Variants in GAREM2 observed in about 807,000 individuals in gnomAD.
GAREM2 encodes the protein GRB2-associated and regulator of MAPK protein 2.
Under a neutral mutation model 55.6 loss-of-function variants are expected in GAREM2, and 30 were observed. The ratio of observed to expected loss-of-function variants is 0.54; its 90% CI spans 0.40 to 0.73. The LOEUF (loss-of-function observed/expected upper bound fraction) is 0.73, where lower values mean the gene tolerates loss of function less well. Among genes scored for constraint, GAREM2 ranks in the 30% least tolerant of loss-of-function variants. The pLI, the probability that GAREM2 is intolerant of heterozygous loss-of-function variation, is 0.00. For synonymous variants in GAREM2, 550 were observed against 569.1 expected (o/e 0.97, Z 0.48); for missense variants, 1,075 against 1,257.7 (o/e 0.85, Z 2.20).
chr2:26,187,513 T>C lies in GAREM2; in HGVS notation c.1881T>C (p.Phe627=). Residue 627 remains phenylalanine (F), a synonymous_variant, in exon 6 of 6, where the codon TTT becomes TTC. Transcript: ENST00000401533. ...ATCCCCAGAAGCGCTTTGCTCCGTTTGGAGCTCTCAACCCTTTTTCCGGGC... is the reference window on the plus strand; with the variant it reads ...ATCCCCAGAAGCGCTTTGCTCCGTTCGGAGCTCTCAACCCTTTTTCCGGGC... The part of the protein sequence containing the change: ...PSHPQKRFAP[F]GALNPFSGPA... 1.3e-6 allele frequency: 2 copies of C among 1,541,358 alleles called. No individual in the cohort carries two copies.
intron 2 of GAREM2, chr2:26,181,770 A>G (rs968829847): frequency 5.2e-5 from 8 of 153,738 alleles, no homozygotes; most frequent in Admixed American, 2.0e-4. Context: ...GCTCGAGCCC[A>G]GGAGTTTGAG....
chr2:26,197,002 T>C, the GAREM2 span, among the ~76,000 whole-genome samples: 1 of 152,230 alleles, frequency 6.6e-6, no homozygotes, highest in Non-Finnish European at 1.5e-5. Context: ...TAGGAATAAA[T>C]AGGCTTTTGT....
At chr2:26,193,703 G>A (rs2147752154), downstream of GAREM2, 2 of 1,613,998 alleles carry the variant, frequency 1.2e-6, no homozygotes, top group Middle Eastern at 3.3e-4. Context: ...TCATCCACCA[G>A]TGTGGCGGCA....
At chr2:26,181,271 A>G (rs1223751947) in intron 2 of GAREM2, 1 of 370,718 alleles carries the variant, frequency 2.7e-6, no homozygotes, top group East Asian at 1.6e-4. Flanking sequence ...CCTCTCCCTA[A>G]GTCCTTCCCT....
In GAREM2 at chr2:26,187,709, T is replaced by A; in HGVS notation, c.2077T>A (p.Trp693Arg). Residue 693 changes from tryptophan to arginine, a missense_variant, in exon 6 of 6, where the codon TGG (tryptophan) becomes AGG (arginine). By Grantham distance (101) the Trp-to-Arg change is moderately radical (BLOSUM62 -3). Around this residue, in one of 6 missense-constraint regions of GAREM2, gnomAD observed 515 missense variants for 501.5 expected, o/e 1.03. Transcript: ENST00000401533. ...CCCCTCCTCCTCCTCTTCTTCTGAA[T>A]GGCAGGAACCAGTCCTGGAGCCCTT... Reference protein sequence around the residue: ...CAPSSSSSSEWQEPVLEPFDP... With the variant: ...CAPSSSSSSERQEPVLEPFDP... 1 of 1,485,316 alleles carries A rather than the reference T, an allele frequency of 6.7e-7. No homozygotes were observed. Among genetic ancestry groups the A allele is most frequent in the Middle Eastern group, 1.8e-4 (1 of 5,678 alleles). 92.0% of individuals were successfully genotyped at this position (1,485,316 alleles called of 1,614,324 possible). A position where few individuals can be genotyped will look rare whatever the true frequency, so the allele number is the denominator to read the frequency against.
In GAREM2 at chr2:26,176,401, A is replaced by G. The variant is rs1668867779; in HGVS notation, c.170A>G (p.Gln57Arg). 1 of 1,550,650 alleles carries G rather than the reference A, an allele frequency of 6.4e-7. No homozygotes were observed. The highest frequency in any genetic ancestry group is 1.4e-5 in the African/African-American group (1 of 73,012). The change falls in exon 2 of 6, where the codon CAG becomes CGG. Residue 57 changes from glutamine (Q) to arginine (R), a missense_variant. Physicochemically the swap from Gln to Arg is conservative, Grantham distance 43 (BLOSUM62 1). Coordinates refer to ENST00000401533, the MANE Select transcript of GAREM2 (RefSeq NM_001168241.2). ...ATCCTGCTCATCCACTCCTGCCGGC[A>G]GTGGACAACGGTGACAGCTCATACC... is the stretch of plus-strand genomic sequence containing the variant. ...RDILLIHSCR[Q>R]WTTVTAHTLE...
At position 26,186,269 on chromosome 2, in the gene GAREM2, C is replaced by T. The variant is rs1294670388; in HGVS notation, c.1509C>T (p.Ser503=). The change falls in exon 5 of 6, where the codon AGC becomes AGT. Residue 503 remains serine, a synonymous_variant. Transcript: ENST00000401533. ...GGNGSGRLSS[S]PPVPPRFPKL... is the part of the protein sequence containing the mutation. ...ATGGCAGCGGCCGGCTCTCCAGCAG[C>T]CCCCCGGTTCCCCCTCGCTTCCCCA... 3.9e-6 allele frequency: 6 copies of T among 1,549,492 alleles called. No homozygotes were observed. Among genetic ancestry groups the T allele is most frequent in the East Asian group, 2.4e-5 (1 of 40,862 alleles).
chr2:26,183,097 G>C lies in GAREM2; in HGVS notation c.384G>C (p.Lys128Asn), dbSNP rs1156695391. ...FVMEAITFSV[K>N]VVSGEFSEDS... ...TGGAAGCCATCACCTTCAGCGTCAA[G>C]GTCAGTCACTCCCTCACCAGGTGTG... Residue 128 changes from lysine to asparagine, a missense_variant and splice_region_variant, in exon 3 of 6, where the codon AAG becomes AAC. Around this residue, in one of 6 missense-constraint regions of GAREM2, gnomAD observed 230 missense variants for 310.6 expected, o/e 0.74. Transcript: ENST00000401533. The C allele has an allele frequency of 5.2e-6, 8 of 1,551,670 alleles. No individual in the cohort carries two copies. Among genetic ancestry groups the C allele is most frequent in the Non-Finnish European group, 7.0e-6 (8 of 1,146,950 alleles).
intron 2 of GAREM2, chr2:26,180,835 C>A (rs1262218549): frequency 2.4e-6 from 2 of 827,920 alleles, no homozygotes; most frequent in Non-Finnish European, 1.5e-6. Flanking sequence ...CCAGGCTGGT[C>A]TCAAACTGCT....
Position 26,187,732 on chromosome 2 carries a change from C to T in GAREM2, c.2100C>T (p.Pro700=). Residue 700 remains proline (P), a synonymous_variant, in exon 6 of 6, where the codon CCC becomes CCT. Transcript: ENST00000401533. Reference sequence around the variant, plus strand: ...AATGGCAGGAACCAGTCCTGGAGCCCTTCGATCCCTTTGAGCTGGGGCAGG... The same window carrying T: ...AATGGCAGGAACCAGTCCTGGAGCCTTTCGATCCCTTTGAGCTGGGGCAGG... ...SSEWQEPVLE[P]FDPFELGQGS... is the part of the protein sequence containing the mutation. 6.8e-7 allele frequency: 1 copy of T among 1,462,820 alleles called. No homozygotes were observed. 90.6% of individuals were successfully genotyped at this position (1,462,820 alleles called of 1,614,324 possible).
In GAREM2 at chr2:26,187,563, C is replaced by A; in HGVS notation, c.1931C>A (p.Ala644Glu). Residue 644 changes from alanine (A) to glutamate (E), a missense_variant, in exon 6 of 6, where the codon GCG (alanine) becomes GAG (glutamate). Transcript: ENST00000401533. The stretch of plus-strand genomic sequence containing the variant: ...CCTGCCTACCCCTCAGGCCCTTCAG[C>A]GGCCTTGTCTTCTGGGCCCAGAACC... ...SGPAYPSGPS[A>E]ALSSGPRTTS... 1 of 1,543,996 alleles carries A rather than the reference C, an allele frequency of 6.5e-7. No homozygotes were observed. The highest frequency in any genetic ancestry group is 8.7e-7 in the Non-Finnish European group (1 of 1,143,362).
chr2:26,203,180 C>T, the GAREM2 span, among the ~76,000 whole-genome samples: 1 of 152,214 alleles, frequency 6.6e-6, no homozygotes, highest in African/African-American at 2.4e-5. Context: ...CACGATGAAA[C>T]CTGCCAGGTC....
intron 1 of GAREM2, among the ~76,000 whole-genome samples, chr2:26,174,466 G>A (rs548574142): frequency 2.6e-5 from 4 of 152,332 alleles, no homozygotes; most frequent in Admixed American, 1.3e-4. Flanking sequence ...CTCGGTCTGC[G>A]TAGGGCCTCC....
Position 26,179,988 on chromosome 2 carries a change from T to G in GAREM2, c.254-2979T>G, listed in dbSNP as rs1668991536. 6.6e-6 allele frequency among the ~76,000 whole-genome samples: 1 copy of G among 152,058 alleles called. No homozygotes were observed. The highest frequency in any genetic ancestry group is 2.1e-4 in the South Asian group (1 of 4,830). On this transcript the variant is annotated intron_variant, in intron 2 of 5. Transcript: ENST00000401533. The surrounding 1 kb of genome is among the most constrained non-coding windows in gnomAD (Gnocchi z 4.7). Reference sequence around the variant, plus strand: ...GGAGTGAGGGGAGGAGGCTACTCAGTGCCTGCAGTTCCTGCTTCCCAAGTC... The same window carrying G: ...GGAGTGAGGGGAGGAGGCTACTCAGGGCCTGCAGTTCCTGCTTCCCAAGTC...
the GAREM2 span, chr2:26,194,666 TG>T: frequency 7.1e-7 from 1 of 1,416,048 alleles, no homozygotes; most frequent in Non-Finnish European, 1.0e-6. Flanking sequence ...ATGAGCTCCC[TG>T]GCCCTGCTGC....
chr2:26,186,675 G>T (rs1248280932), intron 5 of GAREM2, among the ~76,000 whole-genome samples: 2 of 152,198 alleles, frequency 1.3e-5, no homozygotes, highest in Non-Finnish European at 2.9e-5. Flanking sequence ...TTGCTGTTTT[G>T]AAATTTTGAT....
intron 2 of GAREM2, among the ~76,000 whole-genome samples, chr2:26,178,896 G>GGAGGCGGAGGCA (rs1207652162): frequency 5.9e-4 from 89 of 151,868 alleles, no homozygotes; most frequent in Non-Finnish European, 9.4e-4. Context: ...AGGAGGAGGC[G>GGAGGCGGAGGCA]GAGGCGGAGG....
the GAREM2 span, chr2:26,197,711 C>G: frequency 2.0e-6 from 3 of 1,511,872 alleles, no homozygotes; most frequent in Admixed American, 1.7e-5. Flanking sequence ...CTTTTGCTGA[C>G]AGCAGCGATT....
chr2:26,182,084 A>T, intron 2 of GAREM2: 5 of 1,062,790 alleles, frequency 4.7e-6, no homozygotes, highest in Non-Finnish European at 5.7e-6. Context: ...GAGGCCATCC[A>T]TCAGATGCCA....
Sources: allele counts gnomAD v4.1 joint callset (sites outside exome capture counted in the v4.1 genomes callset), GRCh38; gene constraint gnomAD v4.1.1; regional missense constraint gnomAD v4.1.1; non-coding constraint Gnocchi (gnomAD v3.1); transcripts MANE v1.5; gene names NCBI Gene and HGNC (gene_info 2026-07-23, HGNC 2026-07-21).